Variants in SASH1 observed in about 807,000 individuals in gnomAD.
The protein encoded by SASH1 is SAM and SH3 domain-containing protein 1.
A neutral mutation model predicts 125.2 loss-of-function variants in SASH1; 44 were observed. The observed-to-expected ratio is 0.35, with a 90% confidence interval of 0.28 to 0.45. The LOEUF is 0.45. Ranked by LOEUF, SASH1 falls within the 20% of genes least tolerant of loss-of-function variation. The probability of loss-of-function intolerance (pLI) is 1.00; values close to 1 mark genes in which losing one functional copy is unlikely to be tolerated. For missense variants in SASH1, 1,426 were observed against 1,614.5 expected (o/e 0.88, Z 2.00); for synonymous variants, 639 against 649.1 (o/e 0.98, Z 0.24).
At chr6:148,382,746 C>T (rs73603319) in intron 1 of SASH1, among the ~76,000 whole-genome samples, 1,523 of 152,220 alleles carry the variant, frequency 0.01, 22 homozygotes, top group African/African-American at 0.035. Flanking sequence ...TCCACCTGTG[C>T]GCAATAGCAT....
chr6:148,221,084 T>G, the SASH1 span, among the ~76,000 whole-genome samples: 1 of 152,204 alleles, frequency 6.6e-6, no homozygotes, highest in Non-Finnish European at 1.5e-5. Context: ...AAATGTTCAT[T>G]CCATTTTTAC....
At chr6:148,400,852 C>T (rs1024085270) in intron 2 of SASH1, among the ~76,000 whole-genome samples, 2 of 152,190 alleles carry the variant, frequency 1.3e-5, no homozygotes, top group Non-Finnish European at 2.9e-5. Context: ...TGCCCCCATT[C>T]CAGCAGTATG....
chr6:148,459,900 G>C (rs1451172793), intron 4 of SASH1, among the ~76,000 whole-genome samples: 1 of 152,164 alleles, frequency 6.6e-6, no homozygotes, highest in East Asian at 1.9e-4. Flanking sequence ...TCAGTAGCAG[G>C]TAGAGCTTGG....
intron 1 of SASH1, among the ~76,000 whole-genome samples, chr6:148,275,373 A>C (rs982829566): frequency 2.0e-5 from 3 of 152,112 alleles, no homozygotes; most frequent in African/African-American, 4.8e-5. Flanking sequence ...CCTAGGCTGA[A>C]GTCCAAGAAA....
At chr6:148,260,876 A>ACTGCAAC in the SASH1 span, among the ~76,000 whole-genome samples, 2 of 136,632 alleles carry the variant, frequency 1.5e-5, no homozygotes, top group Non-Finnish European at 3.0e-5. Flanking sequence ...ATCTTGGCTC[A>ACTGCAAC]CTGCAACCTC....
At chr6:148,393,773 G>A (rs2114841921) in intron 2 of SASH1, 1 of 977,094 alleles carries the variant, frequency 1.0e-6, no homozygotes, top group South Asian at 4.7e-5. Flanking sequence ...GAATTTGGTG[G>A]TGAGTAAAAT....
Position 148,544,282 on chromosome 6 carries a change from G to A in SASH1, c.2812G>A (p.Gly938Arg), listed in dbSNP as rs1413890763. 6.2e-7 allele frequency: 1 copy of A among 1,614,120 alleles called. No individual in the cohort carries two copies. Among genetic ancestry groups the A allele is most frequent in the Admixed American group, 1.7e-5 (1 of 60,014 alleles). ...LPRNYDAQPP[G>R]AKHGLARTPL... ...CAGAAACTATGATGCTCAGCCTCCT[G>A]GAGCTAAACACGGTTTAGCAAGGAC... The change falls in exon 18 of 20, where the codon GGA becomes AGA. Residue 938 changes from glycine to arginine, a missense_variant. By Grantham distance (125) the Gly-to-Arg change is moderately radical. Transcript: ENST00000367467. This position sits in a 1 kb window ranked among gnomAD's most constrained non-coding sequence, Gnocchi z 6.4.
At position 148,544,082 on chromosome 6, in the gene SASH1, AGAC is replaced by A. The variant is rs1782392674; in HGVS notation, c.2616_2618del (p.Thr873del). The A allele has an allele frequency of 1.2e-6, 2 of 1,614,102 alleles. No individual in the cohort carries two copies. The highest frequency in any genetic ancestry group is 1.7e-6 in the Non-Finnish European group (2 of 1,180,012). On this transcript the variant is annotated inframe_deletion, in exon 18 of 20. Transcript: ENST00000367467. This position sits in a 1 kb window ranked among gnomAD's most constrained non-coding sequence, Gnocchi z 6.4. The stretch of plus-strand genomic sequence containing the variant: ...CAGATTGTACCTGAAGTGCCACAGA[AGAC>A]GACCGCCTCTTCCACGAAGGCCCAG...
At chr6:148,470,394 G>T (rs545930390) in intron 5 of SASH1, among the ~76,000 whole-genome samples, 2 of 152,158 alleles carry the variant, frequency 1.3e-5, no homozygotes, top group African/African-American at 2.4e-5. Context: ...CCATCACTTC[G>T]CTGGGCCCTG....
chr6:148,364,379 C>G (rs1782367533), intron 1 of SASH1, among the ~76,000 whole-genome samples: 1 of 152,160 alleles, frequency 6.6e-6, no homozygotes, highest in South Asian at 2.1e-4. Context: ...ACACACTCAC[C>G]ATTAGCTGTG....
chr6:148,259,510 C>T, the SASH1 span, among the ~76,000 whole-genome samples: 2 of 152,188 alleles, frequency 1.3e-5, no homozygotes, highest in Non-Finnish European at 2.9e-5. Context: ...GAAGAGCATT[C>T]GGTCCTTCAC....
intron 1 of SASH1, among the ~76,000 whole-genome samples, chr6:148,309,738 A>T (rs1043204004): frequency 6.6e-6 from 1 of 152,028 alleles, no homozygotes; most frequent in Non-Finnish European, 1.5e-5. Context: ...GTCAATTGTA[A>T]ACATTTGACA....
At chr6:148,331,471 A>G (rs1780992606) in intron 1 of SASH1, among the ~76,000 whole-genome samples, 1 of 152,058 alleles carries the variant, frequency 6.6e-6, no homozygotes, top group Non-Finnish European at 1.5e-5. Flanking sequence ...CTGGGATTAC[A>G]GGTTCCTGCT....
chr6:148,456,198 C>T (rs1183431764), intron 4 of SASH1, among the ~76,000 whole-genome samples: 1 of 152,216 alleles, frequency 6.6e-6, no homozygotes, highest in African/African-American at 2.4e-5. Context: ...TTCCCCACCC[C>T]AGGCCGAGGC....
the SASH1 span, among the ~76,000 whole-genome samples, chr6:148,254,098 T>C: frequency 6.6e-6 from 1 of 151,844 alleles, no homozygotes; most frequent in South Asian, 2.1e-4. Context: ...TCCCAGCTAC[T>C]TGGGAGGCTG....
intron 7 of SASH1, 97 bp from the exon 8 acceptor site, chr6:148,487,517 G>C: frequency 1.2e-6 from 1 of 841,884 alleles, no homozygotes; most frequent in Non-Finnish European, 1.9e-6. Context: ...TTATGAACCA[G>C]GAACCTAGAT....
intron 1 of SASH1, among the ~76,000 whole-genome samples, chr6:148,387,673 TTTC>T (rs1783520140): frequency 1.7e-5 from 2 of 120,860 alleles, no homozygotes; most frequent in African/African-American, 6.6e-5. Context: ...TCTTTCTTTC[TTTC>T]TTTCTTTCTT....
chr6:148,436,099 A>T (rs1005208922), intron 2 of SASH1, among the ~76,000 whole-genome samples: 1 of 152,166 alleles, frequency 6.6e-6, no homozygotes, highest in Non-Finnish European at 1.5e-5. Context: ...GGCCACAGCG[A>T]TGTCTGCCAT....
chr6:148,210,530 C>A, the SASH1 span, among the ~76,000 whole-genome samples: 157 of 152,300 alleles, frequency 1.0e-3, no homozygotes, highest in Middle Eastern at 6.8e-3. Context: ...AAGACTCTGT[C>A]TCAAATAAAT....
Sources: gnomAD v4.1 joint callset for allele counts (sites outside exome capture counted in the v4.1 genomes callset) on GRCh38, gnomAD v4.1.1 for gene constraint, Gnocchi (gnomAD v3.1) non-coding constraint, MANE v1.5 for transcripts, NCBI Gene and HGNC (gene_info 2026-07-23, HGNC 2026-07-21) for gene names.